ASB15: variants seen among roughly 807,000 people sequenced by gnomAD.
The protein encoded by ASB15 is ankyrin repeat and SOCS box containing 15, also known as ankyrin repeat and SOCS box protein 15.
Under a neutral mutation model 58.0 loss-of-function variants are expected in ASB15, and 54 were observed. That is an observed-to-expected ratio of 0.93 (90% confidence interval 0.75 to 1.17). ASB15 has a LOEUF of 1.17. Among genes scored for constraint, ASB15 ranks in the 50% most tolerant of loss-of-function variants. The pLI is 0.00. For synonymous variants in ASB15, 249 were observed against 262.4 expected, an observed-to-expected ratio of 0.95 and a Z score of 0.50; for missense variants, 680 against 707.4, an observed-to-expected ratio of 0.96 and a Z score of 0.44.
chr7:123,637,886 A>AAAAAAAAAAAAAAAAAAAAAAAAAAC lies in ASB15; in HGVS notation c.*919_*920insAAAAAAAAAAACAAAAAAAAAAAAAA. The AAAAAAAAAAAAAAAAAAAAAAAAAAC allele has an allele frequency of 6.7e-6, 1 of 148,334 alleles. No homozygotes were observed. The highest frequency in any genetic ancestry group is 1.5e-5 in the Non-Finnish European group (1 of 67,204). The allele number at this position is 148,334 out of a possible 1,614,324, so 9.2% of individuals were successfully genotyped here. On this transcript the variant is annotated 3_prime_UTR_variant, in exon 12 of 12. Coordinates refer to ENST00000451215, the MANE Select transcript of ASB15 (RefSeq NM_001290258.2). ...CATGTCCCCAGATGAACTAAAAAAAAAAAAAAAAAAAAAACCTCTTTCCCG... is the reference window on the plus strand; with the variant it reads ...CATGTCCCCAGATGAACTAAAAAAAAAAAAAAAAAAAAAAAAAAAAAAAAACAAAAAAAAAAAAAACCTCTTTCCCG...
chr7:123,602,084 T>C (rs1363057389), intron 1 of ASB15, among the ~76,000 whole-genome samples, 170 bp downstream of exon 1: 1 of 152,158 alleles, frequency 6.6e-6, no homozygotes, highest in Non-Finnish European at 1.5e-5. Flanking sequence ...AATTAGAGAC[T>C]AAAGCTAGAA....
upstream of ASB15, among the ~76,000 whole-genome samples, chr7:123,600,701 A>G (rs1448888174): frequency 6.6e-6 from 1 of 152,212 alleles, no homozygotes; most frequent in African/African-American, 2.4e-5. Context: ...TTTGCTTTGA[A>G]GATGACTGAA....
intron 1 of ASB15, among the ~76,000 whole-genome samples, chr7:123,570,294 C>A (rs1050834353): frequency 1.3e-5 from 2 of 152,020 alleles, no homozygotes; most frequent in South Asian, 2.1e-4. Flanking sequence ...CCTCGGCCCC[C>A]CAAAGTGCTG....
At position 123,634,335 on chromosome 7, in the gene ASB15, G is replaced by A. The variant is rs1802301788; in HGVS notation, c.1595-2474G>A. ...TCTGTTCCTGCATTAGTTTGCTGAG[G>A]ATAATGGTTTCCAAATCCATCCATG... On this transcript the variant is annotated intron_variant, in intron 11 of 11. Coordinates refer to ENST00000451215, the MANE Select transcript of ASB15 (RefSeq NM_001290258.2). 1.3e-5 allele frequency among the ~76,000 whole-genome samples: 2 copies of A among 152,108 alleles called. 1 individual carries two copies. The highest frequency in any genetic ancestry group is 1.3e-4 in the Admixed American group (2 of 15,258).
chr7:123,597,261 C>T (rs1248960891), upstream of ASB15, among the ~76,000 whole-genome samples: 2 of 152,138 alleles, frequency 1.3e-5, no homozygotes, highest in Non-Finnish European at 1.5e-5. Context: ...CCTATCTGAA[C>T]ATTTAGTGGT....
intron 3 of ASB15, among the ~76,000 whole-genome samples, chr7:123,611,328 T>A (rs1467739047): frequency 6.6e-6 from 1 of 152,126 alleles, no homozygotes; most frequent in African/African-American, 2.4e-5. Flanking sequence ...GGAGTCTCGC[T>A]CTGTCGCCCA....
chr7:123,577,192 T>C (rs1032643869), intron 1 of ASB15, among the ~76,000 whole-genome samples: 1 of 152,206 alleles, frequency 6.6e-6, no homozygotes, highest in Non-Finnish European at 1.5e-5. Context: ...GTTTACTATA[T>C]CATTGATATC....
chr7:123,621,075 T>C lies in ASB15; in HGVS notation c.451+3338T>C, dbSNP rs557066147. ...AGGACAACTAAGCCGTGATTATCAC[T>C]CCTTGTTTTCTTTTGGCCTCATTTA... On this transcript the variant is annotated intron_variant, in intron 7 of 11. Coordinates refer to ENST00000451215, the MANE Select transcript of ASB15 (RefSeq NM_001290258.2). Among the ~76,000 whole-genome samples, 11 of 152,318 alleles carry C rather than the reference T, an allele frequency of 7.2e-5. No individual in the cohort carries two copies. In the East Asian group the frequency reaches 2.1e-3, roughly 29 times the overall value.
At chr7:123,575,477 T>G (rs1473226440) in intron 1 of ASB15, among the ~76,000 whole-genome samples, 1 of 152,102 alleles carries the variant, frequency 6.6e-6, no homozygotes, top group Non-Finnish European at 1.5e-5. Context: ...GAAAACAACT[T>G]TAATTGTATC....
At chr7:123,576,651 A>C (rs1799072841) in intron 1 of ASB15, among the ~76,000 whole-genome samples, 1 of 152,124 alleles carries the variant, frequency 6.6e-6, no homozygotes, top group African/African-American at 2.4e-5. Flanking sequence ...AGATCCAAGA[A>C]GACTTGTACC....
In ASB15 at chr7:123,624,631, C is replaced by A. The variant is rs754222155; in HGVS notation, c.514C>A (p.Gln172Lys). The change falls in exon 8 of 12, where the codon CAG becomes AAG. Residue 172 changes from glutamine to lysine, a missense_variant. Physicochemically the swap from Gln to Lys is moderately conservative, Grantham distance 53. Coordinates refer to ENST00000451215, the MANE Select transcript of ASB15 (RefSeq NM_001290258.2). ...TLIKHNTSLD[Q>K]PCVKRWSAMH... ...GATCAAACATAACACTAGCCTAGACCAGCCCTGTGTCAAGCGATGGTCAGC... is the reference window on the plus strand; with the variant it reads ...GATCAAACATAACACTAGCCTAGACAAGCCCTGTGTCAAGCGATGGTCAGC... The A allele has an allele frequency of 1.2e-6, 2 of 1,613,860 alleles. No homozygotes were observed. The highest frequency in any genetic ancestry group is 2.2e-5 in the South Asian group (2 of 91,070).
In ASB15 at chr7:123,629,012, GACC is replaced by G. The variant is rs1801976495; in HGVS notation, c.1021_1023del (p.His341del). On this transcript the variant is annotated inframe_deletion, in exon 10 of 12. Coordinates refer to ENST00000451215, the MANE Select transcript of ASB15 (RefSeq NM_001290258.2). ...TTTTGATGTCAACACTCTACTTGCT[GACC>G]ACATTTCCCAGAGCTATGACGATGA... is the stretch of plus-strand genomic sequence containing the variant. 1 of 1,613,880 alleles carries G rather than the reference GACC, an allele frequency of 6.2e-7. No individual in the cohort carries two copies. The highest frequency in any genetic ancestry group is 8.5e-7 in the Non-Finnish European group (1 of 1,179,840).
At chr7:123,618,035 G>A (rs1310297538) in intron 7 of ASB15, among the ~76,000 whole-genome samples, 2 of 152,154 alleles carry the variant, frequency 1.3e-5, no homozygotes, top group South Asian at 2.1e-4. Context: ...TCTCTAGGTA[G>A]GATCCAGTTG....
chr7:123,592,180 T>C (rs1251890166), intron 1 of ASB15, among the ~76,000 whole-genome samples: 1 of 152,194 alleles, frequency 6.6e-6, no homozygotes, highest in Non-Finnish European at 1.5e-5. Context: ...TATTTGATTC[T>C]TATCTCTTTT....
intron 1 of ASB15, among the ~76,000 whole-genome samples, chr7:123,578,547 G>A (rs1446586643): frequency 6.6e-6 from 1 of 151,732 alleles, no homozygotes; most frequent in East Asian, 1.9e-4. Context: ...TTAATTTCAG[G>A]CATTTGCTTT....
intron 1 of ASB15, among the ~76,000 whole-genome samples, chr7:123,591,687 T>A (rs1799542940): frequency 6.6e-6 from 1 of 152,192 alleles, no homozygotes; most frequent in South Asian, 2.1e-4. Flanking sequence ...GACGTGTTGC[T>A]GGATTCGGTT....
chr7:123,589,898 G>A (rs1258611593), intron 1 of ASB15, among the ~76,000 whole-genome samples: 1 of 152,178 alleles, frequency 6.6e-6, no homozygotes, highest in Non-Finnish European at 1.5e-5. Context: ...TCGCCACGCT[G>A]TCTTCCACAA....
In ASB15 at chr7:123,637,059, T is replaced by A; in HGVS notation, c.*78T>A. 1.0e-6 allele frequency: 1 copy of A among 979,356 alleles called. No homozygotes were observed. The highest frequency in any genetic ancestry group is 2.7e-5 in the Admixed American group (1 of 37,586). The allele number at this position is 979,356 out of a possible 1,614,324, so 60.7% of individuals were successfully genotyped here. A position where few individuals can be genotyped will look rare whatever the true frequency, so the allele number is the denominator to read the frequency against. On this transcript the variant is annotated 3_prime_UTR_variant, in exon 12 of 12. Coordinates refer to ENST00000451215, the MANE Select transcript of ASB15 (RefSeq NM_001290258.2). Reference sequence around the variant, plus strand: ...GATAATTTCTTGTAACCATTTTACATCCTTAATTGTAAAGTGTATTTAAAT... The same window carrying A: ...GATAATTTCTTGTAACCATTTTACAACCTTAATTGTAAAGTGTATTTAAAT...
At chr7:123,605,729 C>A (rs994339060) in intron 2 of ASB15, among the ~76,000 whole-genome samples, 1 of 152,050 alleles carries the variant, frequency 6.6e-6, no homozygotes, top group African/African-American at 2.4e-5. Flanking sequence ...TTATCCTAAG[C>A]AAATTAACAC....
Sources: allele counts gnomAD v4.1 joint callset (sites outside exome capture counted in the v4.1 genomes callset), GRCh38; gene constraint gnomAD v4.1.1; transcripts MANE v1.5; gene names NCBI Gene and HGNC (gene_info 2026-07-23, HGNC 2026-07-21).